EZH2: variants seen among roughly 807,000 people sequenced by gnomAD.
EZH2 encodes the protein histone-lysine N-methyltransferase EZH2.
A neutral mutation model predicts 98.4 loss-of-function variants in EZH2; 18 were observed. The ratio of observed to expected loss-of-function variants is 0.18; its 90% CI spans 0.13 to 0.27. EZH2 has a LOEUF of 0.27. Among genes scored for constraint, EZH2 ranks in the 10% least tolerant of loss-of-function variants. The pLI, the probability that EZH2 is intolerant of heterozygous loss-of-function variation, is 1.00. For missense variants in EZH2, 470 were observed against 935.1 expected (o/e 0.50, Z 6.49); for synonymous variants, 338 against 312.3 (o/e 1.08, Z -0.87).
At chr7:148,818,377 G>C (rs1805143546) in intron 9 of EZH2, among the ~76,000 whole-genome samples, 1 of 152,066 alleles carries the variant, frequency 6.6e-6, no homozygotes, top group Non-Finnish European at 1.5e-5. Flanking sequence ...TTGTGAATTT[G>C]TAAAATATAT....
rs1352634479 is a variant in EZH2 at position 148,818,020 on chromosome 7, T to G, written c.1097A>C (p.Asn366Thr). The G allele has an allele frequency of 2.5e-6, 4 of 1,614,120 alleles. No homozygotes were observed. In the South Asian group the frequency reaches 4.4e-5, roughly 18 times the overall value. The stretch of plus-strand genomic sequence containing the variant: ...GGTGGGGGTGCTGGGCCTGCTACTG[T>G]TATTGGGAAGCCGTCCTCTTCTGCG... Reference protein sequence around the residue: ...GGRRRGRLPNNSSRPSTPTIN... With the variant: ...GGRRRGRLPNTSSRPSTPTIN... The change falls in exon 10 of 20, where the codon AAC becomes ACC. Residue 366 changes from asparagine (N) to threonine (T), a missense_variant. Asn to Thr is a moderately conservative substitution (Grantham distance 65). Transcript: ENST00000320356.
chr7:148,867,114 G>A (rs536101988), intron 1 of EZH2, among the ~76,000 whole-genome samples: 1 of 151,742 alleles, frequency 6.6e-6, no homozygotes, highest in African/African-American at 2.4e-5. Context: ...ATAACCTGAG[G>A]GCAGGAGTTC....
chr7:148,818,657 A>AT (rs547412494), intron 9 of EZH2, among the ~76,000 whole-genome samples: 30 of 148,238 alleles, frequency 2.0e-4, no homozygotes, highest in East Asian at 3.9e-4. Flanking sequence ...AACATCCAAC[A>AT]TTTTTTTTTT....
chr7:148,815,067 A>C, intron 13 of EZH2, 28 bp from the exon 14 acceptor site: 2 of 1,609,468 alleles, frequency 1.2e-6, no homozygotes, highest in South Asian at 1.1e-5. Context: ...CATGCAGGCC[A>C]ATGAATCCAG....
intron 1 of EZH2, among the ~76,000 whole-genome samples, chr7:148,856,678 C>T (rs1247610827): frequency 3.3e-5 from 5 of 151,946 alleles, no homozygotes; most frequent in Non-Finnish European, 4.4e-5. Flanking sequence ...TGAAAGGAGA[C>T]GGATAGGTCC....
chr7:148,807,813 TTAAAAA>T, intron 19 of EZH2, 107 bp from the exon 20 acceptor site: 2 of 438,950 alleles, frequency 4.6e-6, no homozygotes, highest in African/African-American at 4.6e-5. Flanking sequence ...TAAAATGTCT[TTAAAAA>T]AAAAAAAAAA....
intron 1 of EZH2, among the ~76,000 whole-genome samples, chr7:148,854,646 C>A (rs965197440): frequency 1.3e-5 from 2 of 152,166 alleles, no homozygotes; most frequent in Non-Finnish European, 2.9e-5. Context: ...CCAAACCCAA[C>A]AAGATGTAAG....
chr7:148,821,736 G>A (rs1489705574), intron 8 of EZH2, among the ~76,000 whole-genome samples: 1 of 152,252 alleles, frequency 6.6e-6, no homozygotes, highest in Non-Finnish European at 1.5e-5. Flanking sequence ...TGAGATAGGA[G>A]AAGAGCTTGA....
At chr7:148,833,818 G>A (rs1403417163) in intron 3 of EZH2, among the ~76,000 whole-genome samples, 1 of 152,152 alleles carries the variant, frequency 6.6e-6, no homozygotes, top group Non-Finnish European at 1.5e-5. Context: ...AGGATAAGTA[G>A]CTTGCCCAAA....
chr7:148,859,107 G>A lies in EZH2; in HGVS notation c.-7-11802C>T, dbSNP rs777091252. On this transcript the variant is annotated intron_variant, in intron 1 of 19. Coordinates refer to ENST00000320356, the MANE Select transcript of EZH2 (RefSeq NM_004456.5). ...CATTAAGTCAACAAATATTTATTGA[G>A]CATCTAATACAAGCCAGAGACTACA... Among the ~76,000 whole-genome samples the A allele has an allele frequency of 1.5e-4, 23 of 152,180 alleles. 1 individual carries two copies. Among genetic ancestry groups the A allele is most frequent in the Non-Finnish European group, 2.6e-4 (18 of 68,030 alleles).
rs587783625 is a variant in EZH2, at chr7:148,811,696, C to T, written c.1876G>A (p.Val626Met). ...KKHLLLAPSDVAGWGIFIKDP... is the reference protein window; with the variant it reads ...KKHLLLAPSDMAGWGIFIKDP... ...TTGATAAAAATCCCCCAGCCTGCCACGTCAGATGGTGCCAGCAATAGATGC... is the reference window on the plus strand; with the variant it reads ...TTGATAAAAATCCCCCAGCCTGCCATGTCAGATGGTGCCAGCAATAGATGC... Residue 626 changes from valine (V) to methionine (M), a missense_variant, in exon 16 of 20, where the codon GTG (valine) becomes ATG (methionine). By Grantham distance (21) the Val-to-Met change is conservative (BLOSUM62 1). Transcript: ENST00000320356. 1.2e-6 allele frequency: 2 copies of T among 1,613,014 alleles called. No homozygotes were observed. Among genetic ancestry groups the T allele is most frequent in the Non-Finnish European group, 1.7e-6 (2 of 1,180,002 alleles).
At chr7:148,864,824 G>A (rs750532931) in intron 1 of EZH2, among the ~76,000 whole-genome samples, 5 of 151,824 alleles carry the variant, frequency 3.3e-5, no homozygotes, top group African/African-American at 9.7e-5. Context: ...GAGGAAAAAC[G>A]GAAAAAAATA....
At position 148,807,640 on chromosome 7, in the gene EZH2, C is replaced by T. The variant is rs770439804; in HGVS notation, c.*6G>A. On this transcript the variant is annotated 3_prime_UTR_variant, in exon 20 of 20. Coordinates refer to ENST00000320356, the MANE Select transcript of EZH2 (RefSeq NM_004456.5). ...TTTCAGAGGAGGGGGGAGGAGGTAG[C>T]AGATGTCAAGGGATTTCCATTTCTC... is the stretch of plus-strand genomic sequence containing the variant. The T allele has an allele frequency of 1.3e-6, 2 of 1,592,888 alleles. No homozygotes were observed. Among genetic ancestry groups the T allele is most frequent in the Admixed American group, 1.7e-5 (1 of 57,212 alleles).
chr7:148,866,561 T>G, intron 1 of EZH2, among the ~76,000 whole-genome samples: 1 of 143,140 alleles, frequency 7.0e-6, no homozygotes, highest in Non-Finnish European at 1.5e-5. Context: ...TATACATATA[T>G]ACATATATAT....
At chr7:148,875,906 C>T (rs1820105592) in intron 1 of EZH2, 1 of 152,186 alleles carries the variant, frequency 6.6e-6, no homozygotes, top group Admixed American at 6.5e-5. Flanking sequence ...TGCCTGTAAT[C>T]CCAACACTTT....
chr7:148,838,336 G>C (rs997064247), intron 3 of EZH2, among the ~76,000 whole-genome samples: 1 of 152,094 alleles, frequency 6.6e-6, no homozygotes, highest in Non-Finnish European at 1.5e-5. Flanking sequence ...TTCAGAAGCC[G>C]GGCCCTGAAT....
intron 1 of EZH2, among the ~76,000 whole-genome samples, chr7:148,850,111 C>T (rs1423171338): frequency 6.6e-6 from 1 of 152,090 alleles, no homozygotes; most frequent in Non-Finnish European, 1.5e-5. Context: ...CTCTGCCTCC[C>T]GGGTTCACGC....
intron 1 of EZH2, among the ~76,000 whole-genome samples, chr7:148,867,022 T>C (rs1320095989): frequency 1.3e-5 from 2 of 150,052 alleles, no homozygotes; most frequent in Non-Finnish European, 3.0e-5. Flanking sequence ...CCAACTTCTA[T>C]TCTTTATAAA....
Position 148,838,413 on chromosome 7 carries a change from A to G in EZH2, c.247-5663T>C, listed in dbSNP as rs574944789. On this transcript the variant is annotated intron_variant, in intron 3 of 19. Transcript: ENST00000320356. ...AAAATCCTGAAGGGCTGTTAAGGTA[A>G]ATCATTCCCTCATCTGCAGCTTTGC... is the stretch of plus-strand genomic sequence containing the variant. 3.3e-5 allele frequency among the ~76,000 whole-genome samples: 5 copies of G among 152,162 alleles called. No homozygotes were observed. The South Asian group carries it at 1.0e-3, about 32-fold the overall frequency.
Sources: allele counts gnomAD v4.1 joint callset (sites outside exome capture counted in the v4.1 genomes callset), GRCh38; gene constraint gnomAD v4.1.1; transcripts MANE v1.5; gene names NCBI Gene and HGNC (gene_info 2026-07-23, HGNC 2026-07-21).